Variants in TMEM132B observed in about 807,000 individuals in gnomAD.
TMEM132B encodes transmembrane protein 132B.
In TMEM132B, 18 loss-of-function variants were observed where a neutral mutation model predicts 90.8. The ratio of observed to expected loss-of-function variants is 0.20; its 90% CI spans 0.14 to 0.29. TMEM132B has a LOEUF of 0.29. Among genes scored for constraint, TMEM132B ranks in the 10% least tolerant of loss-of-function variants. The probability of loss-of-function intolerance (pLI) is 1.00; values close to 1 mark genes in which losing one functional copy is unlikely to be tolerated. For missense variants in TMEM132B, 1,096 were observed against 1,326.8 expected (o/e 0.83, Z 2.70); for synonymous variants, 504 against 523.3 (o/e 0.96, Z 0.50).
At position 125,415,684 on chromosome 12, in the gene TMEM132B, A is replaced by G. The variant is rs2136361762; in HGVS notation, c.1106+7A>G. On this transcript the variant is annotated splice_region_variant and intron_variant, in intron 3 of 8. Coordinates refer to ENST00000682704, the MANE Select transcript of TMEM132B (RefSeq NM_001366854.1). This position sits in a 1 kb window ranked among gnomAD's most constrained non-coding sequence, Gnocchi z 5.3. ...GCCCGGACACGCAGAGCAGGTAAGCATGGAGATCCCCAAGGCACCTCCGCA... is the reference window on the plus strand; with the variant it reads ...GCCCGGACACGCAGAGCAGGTAAGCGTGGAGATCCCCAAGGCACCTCCGCA... 1.2e-6 allele frequency: 2 copies of G among 1,613,878 alleles called. No homozygotes were observed. Among genetic ancestry groups the G allele is most frequent in the South Asian group, 1.1e-5 (1 of 91,028 alleles).
intron 1 of TMEM132B, among the ~76,000 whole-genome samples, chr12:125,262,133 G>A (rs1874581587): frequency 1.3e-5 from 2 of 151,684 alleles, no homozygotes; most frequent in African/African-American, 4.8e-5. Context: ...TATTGACTGG[G>A]CACAGTGGCT....
chr12:125,440,684 A>G (rs1332968105), intron 3 of TMEM132B, among the ~76,000 whole-genome samples: 1 of 152,224 alleles, frequency 6.6e-6, no homozygotes, highest in Non-Finnish European at 1.5e-5. Context: ...GTTCAGTTGC[A>G]ATCTCCAATA....
intron 1 of TMEM132B, among the ~76,000 whole-genome samples, chr12:125,284,742 AG>A (rs1288728742): frequency 2.6e-5 from 4 of 152,060 alleles, no homozygotes; most frequent in African/African-American, 9.7e-5. Context: ...TGCACTTGTG[AG>A]AGTAGATCTG....
In TMEM132B at chr12:125,445,768, C is replaced by T. The variant is rs1374594335; in HGVS notation, c.1106+30091C>T. 1.3e-5 allele frequency among the ~76,000 whole-genome samples: 2 copies of T among 152,222 alleles called. No homozygotes were observed. The highest frequency in any genetic ancestry group is 4.8e-5 in the African/African-American group (2 of 41,456). Reference sequence around the variant, plus strand: ...GACACCCTCTGCTTACCCCACCAGCCTGCACCGCGGAGAGTTGGCTCCTTT... The same window carrying T: ...GACACCCTCTGCTTACCCCACCAGCTTGCACCGCGGAGAGTTGGCTCCTTT... On this transcript the variant is annotated intron_variant, in intron 3 of 8. Coordinates refer to ENST00000682704, the MANE Select transcript of TMEM132B (RefSeq NM_001366854.1). The surrounding 1 kb of genome is among the most constrained non-coding windows in gnomAD (Gnocchi z 4.3).
chr12:125,394,658 C>T (rs1333681932), intron 2 of TMEM132B, among the ~76,000 whole-genome samples: 1 of 152,192 alleles, frequency 6.6e-6, no homozygotes, highest in African/African-American at 2.4e-5. Context: ...TTCCTTTCAA[C>T]TTCTAAGAGA....
chr12:125,236,515 C>T (rs11058097), intron 1 of TMEM132B, among the ~76,000 whole-genome samples: 30,304 of 152,110 alleles, frequency 0.2, 3,253 homozygotes, highest in East Asian at 0.39. Flanking sequence ...TTCTGCTTAT[C>T]GGGTATAAGT....
chr12:125,283,840 C>T (rs1388349920), intron 1 of TMEM132B, among the ~76,000 whole-genome samples: 4 of 152,200 alleles, frequency 2.6e-5, no homozygotes, highest in Non-Finnish European at 5.9e-5. Context: ...GTAGTGTTTG[C>T]TTGTTGTCGC....
intron 1 of TMEM132B, among the ~76,000 whole-genome samples, chr12:125,257,443 G>A (rs1455283071): frequency 2.6e-5 from 4 of 152,190 alleles, no homozygotes; most frequent in Admixed American, 6.5e-5. Flanking sequence ...CAGATTCTGC[G>A]TTTCTGGTTC....
chr12:125,468,870 A>T (rs1454480250), intron 3 of TMEM132B, among the ~76,000 whole-genome samples: 1 of 152,064 alleles, frequency 6.6e-6, no homozygotes, highest in Non-Finnish European at 1.5e-5. Context: ...TGTAAATGGG[A>T]TTGTTTTAAT....
At chr12:125,568,738 G>T (rs1884720919) in intron 4 of TMEM132B, among the ~76,000 whole-genome samples, 1 of 152,138 alleles carries the variant, frequency 6.6e-6, no homozygotes, top group Non-Finnish European at 1.5e-5. Flanking sequence ...TCCATTTGTT[G>T]CATATCCTAA....
intron 4 of TMEM132B, among the ~76,000 whole-genome samples, chr12:125,523,512 C>A (rs11058220): frequency 0.25 from 37,686 of 152,050 alleles, 4,990 homozygotes; most frequent in African/African-American, 0.3. Flanking sequence ...TCCCTAACTT[C>A]ATCACACTTG....
At chr12:125,404,798 T>C (rs161716) in intron 2 of TMEM132B, among the ~76,000 whole-genome samples, 8,016 of 152,288 alleles carry the variant, frequency 0.053, 239 homozygotes, top group Non-Finnish European at 0.059. Context: ...CATTCCTGGG[T>C]GTATCCAGCT....
At position 125,650,729 on chromosome 12, in the gene TMEM132B, C is replaced by T. The variant is rs1886884740; in HGVS notation, c.1690C>T (p.Arg564Ter). The T allele has an allele frequency of 1.2e-6, 2 of 1,613,538 alleles. No individual in the cohort carries two copies. Among genetic ancestry groups the T allele is most frequent in the Non-Finnish European group, 1.7e-6 (2 of 1,179,462 alleles). Reference sequence around the variant, plus strand: ...CGAGGACGATGAGGAGAAGAAGGGACGAGGCTGCTCCCTGCAGTACCAGCA... The same window carrying T: ...CGAGGACGATGAGGAGAAGAAGGGATGAGGCTGCTCCCTGCAGTACCAGCA... ...DDEDDEEKKGRGCSLQYQHAT... is the reference protein window; with the variant it reads ...DDEDDEEKKG The change falls in exon 7 of 9, where the codon CGA (arginine) becomes TGA (stop). Residue 564 changes from arginine (R) to a stop codon, truncating the protein, a stop_gained. Coordinates refer to ENST00000682704, the MANE Select transcript of TMEM132B (RefSeq NM_001366854.1). LOFTEE classifies it high-confidence loss of function.
intron 1 of TMEM132B, among the ~76,000 whole-genome samples, chr12:125,249,224 T>G (rs1461931221): frequency 6.6e-6 from 1 of 152,188 alleles, no homozygotes; most frequent in Non-Finnish European, 1.5e-5. Flanking sequence ...TAAGATCACC[T>G]GGAGGATTTG....
At chr12:125,247,132 C>T (rs762847326) in intron 1 of TMEM132B, among the ~76,000 whole-genome samples, 1 of 152,222 alleles carries the variant, frequency 6.6e-6, no homozygotes, top group Admixed American at 6.5e-5. Context: ...TCAAAGTTCA[C>T]ATCTGACTGT....
At chr12:125,195,620 G>A (rs1872907974) in intron 1 of TMEM132B, among the ~76,000 whole-genome samples, 1 of 151,904 alleles carries the variant, frequency 6.6e-6, no homozygotes, top group African/African-American at 2.4e-5. Flanking sequence ...GGCTGGTCTC[G>A]AACTCCTGAC....
In TMEM132B at chr12:125,644,025, C is replaced by G. The variant is rs759796051; in HGVS notation, c.1438-51C>G. On this transcript the variant is annotated intron_variant, in intron 5 of 8. Transcript: ENST00000682704. ...TGAACTTTCACTGTTGTTGTTTTTT[C>G]CTTGTGCTTTTCCTACTGATGCATC... The G allele has an allele frequency of 1.9e-6, 3 of 1,546,988 alleles. No homozygotes were observed. In the African/African-American group the frequency reaches 4.1e-5, roughly 21 times the overall value.
chr12:125,399,268 C>G (rs1225637389), intron 2 of TMEM132B, among the ~76,000 whole-genome samples: 5 of 152,194 alleles, frequency 3.3e-5, no homozygotes, highest in Non-Finnish European at 5.9e-5. Context: ...TCATCAGGAG[C>G]CAGGGATCGT....
At chr12:125,200,233 TG>T (rs1409248452) in intron 1 of TMEM132B, among the ~76,000 whole-genome samples, 1 of 152,200 alleles carries the variant, frequency 6.6e-6, no homozygotes, top group Non-Finnish European at 1.5e-5. Flanking sequence ...AATGCATAAA[TG>T]TATCTCTTTC....
Sources: gnomAD v4.1 joint callset for allele counts (sites outside exome capture counted in the v4.1 genomes callset) on GRCh38, gnomAD v4.1.1 for gene constraint, Gnocchi (gnomAD v3.1) non-coding constraint, MANE v1.5 for transcripts, NCBI Gene and HGNC (gene_info 2026-07-23, HGNC 2026-07-21) for gene names.